Variants in AGBL3 observed in about 807,000 individuals in gnomAD.
AGBL3 encodes the protein cytosolic carboxypeptidase 3.
AGBL3 carries 68 observed loss-of-function variants against 94.5 expected under a neutral mutation model. The ratio of observed to expected loss-of-function variants is 0.72; its 90% confidence interval spans 0.59 to 0.88. The LOEUF (loss-of-function observed/expected upper bound fraction) is 0.88. AGBL3 is among the 40% of genes least tolerant of loss of function. The pLI, the probability that AGBL3 is intolerant of heterozygous loss-of-function variation, is 0.00. For synonymous variants in AGBL3, 354 were observed against 370.7 expected (o/e 0.95, Z 0.52); for missense variants, 934 against 1,103.8 (o/e 0.85, Z 2.18).
intron 5 of AGBL3, among the ~76,000 whole-genome samples, chr7:135,028,360 A>G (rs1288503671): frequency 6.6e-6 from 1 of 152,158 alleles, no homozygotes; most frequent in Non-Finnish European, 1.5e-5. Flanking sequence ...CTTAGTTTAT[A>G]ACTAATATTA....
At chr7:135,096,781 A>AAGAAAGAAAG (rs1159353840) in intron 15 of AGBL3, among the ~76,000 whole-genome samples, 1 of 151,304 alleles carries the variant, frequency 6.6e-6, no homozygotes, top group Non-Finnish European at 1.5e-5. Context: ...GAAAGAAAGA[A>AAGAAAGAAAG]AGAAAGAAAG....
At chr7:135,009,505 T>G (rs1021941249) in intron 4 of AGBL3, among the ~76,000 whole-genome samples, 3 of 152,186 alleles carry the variant, frequency 2.0e-5, no homozygotes, top group African/African-American at 7.2e-5. Flanking sequence ...TTTTGATTGT[T>G]TTTTTCTCTT....
chr7:135,101,747 GA>G (rs1171175020), intron 15 of AGBL3, among the ~76,000 whole-genome samples: 1 of 152,164 alleles, frequency 6.6e-6, no homozygotes, highest in African/African-American at 2.4e-5. Flanking sequence ...CAGAAGGGCA[GA>G]AAAGATTGGC....
intron 15 of AGBL3, among the ~76,000 whole-genome samples, chr7:135,087,534 A>G (rs934542714): frequency 4.0e-5 from 6 of 151,784 alleles, no homozygotes; most frequent in Non-Finnish European, 8.8e-5. Context: ...TTGTGTTTCT[A>G]TTTACATTGG....
chr7:135,088,120 A>G (rs1007917830), intron 15 of AGBL3, among the ~76,000 whole-genome samples: 3 of 152,078 alleles, frequency 2.0e-5, no homozygotes, highest in Admixed American at 1.3e-4. Context: ...TTTATCTGAT[A>G]TAAGTATAGA....
intron 11 of AGBL3, among the ~76,000 whole-genome samples, chr7:135,051,532 T>A (rs1817874664): frequency 6.6e-6 from 1 of 152,122 alleles, no homozygotes; most frequent in African/African-American, 2.4e-5. Flanking sequence ...GAAGTCCTGG[T>A]TCTTTTCAGT....
intron 5 of AGBL3, among the ~76,000 whole-genome samples, chr7:135,018,373 C>T (rs1318641282): frequency 6.6e-6 from 1 of 152,204 alleles, no homozygotes; most frequent in Non-Finnish European, 1.5e-5. Context: ...ACAAGTGCCT[C>T]CCATTGTCCA....
intron 4 of AGBL3, chr7:135,009,911 GC>G: frequency 2.9e-6 from 1 of 345,596 alleles, no homozygotes; most frequent in Non-Finnish European, 5.5e-6. Flanking sequence ...CTGTCTTTTC[GC>G]AGACTTTGGA....
chr7:135,127,992 C>T (rs1828128554), intron 16 of AGBL3, among the ~76,000 whole-genome samples: 1 of 151,958 alleles, frequency 6.6e-6, no homozygotes, highest in Non-Finnish European at 1.5e-5. Flanking sequence ...TACTATGCAG[C>T]CATAAAAAGG....
Position 135,016,716 on chromosome 7 carries a change from T to C in AGBL3, c.311-336T>C, listed in dbSNP as rs573977464. 1.4e-3 allele frequency among the ~76,000 whole-genome samples: 206 copies of C among 152,184 alleles called. 4 individuals carry two copies. The highest frequency in any genetic ancestry group is 4.8e-3 in the African/African-American group (201 of 41,514). On this transcript the variant is annotated intron_variant, in intron 4 of 16. Coordinates refer to ENST00000436302, the MANE Select transcript of AGBL3 (RefSeq NM_178563.4). ...CTGAAGGGAAAGGAAGAATAAAAGG[T>C]AGAGTAAGATTTCCCAGAGGTGAGA... is the stretch of plus-strand genomic sequence containing the variant.
intron 11 of AGBL3, among the ~76,000 whole-genome samples, chr7:135,052,800 T>C (rs187745038): frequency 3.5e-4 from 54 of 152,244 alleles, no homozygotes; most frequent in Admixed American, 9.2e-4. Context: ...ATAAATAATA[T>C]ATATCATGTG....
At chr7:135,070,854 T>C (rs889567580) in intron 12 of AGBL3, among the ~76,000 whole-genome samples, 1 of 152,048 alleles carries the variant, frequency 6.6e-6, no homozygotes, top group Admixed American at 6.6e-5. Context: ...CTATTCAACA[T>C]AGTGTTGGAA....
intron 4 of AGBL3, among the ~76,000 whole-genome samples, chr7:134,997,216 A>G (rs1811118359): frequency 1.3e-5 from 2 of 152,150 alleles, no homozygotes; most frequent in African/African-American, 4.8e-5. Context: ...TGAGAATCTA[A>G]TGTTGCTGCT....
At chr7:135,010,463 T>G (rs1813005598) in intron 4 of AGBL3, 1 of 160,690 alleles carries the variant, frequency 6.2e-6, no homozygotes, top group Non-Finnish European at 1.4e-5. Context: ...CAATGCAATG[T>G]GTGATTCTAA....
chr7:135,130,010 GAA>G (rs1469582723), intron 16 of AGBL3, among the ~76,000 whole-genome samples: 1 of 152,154 alleles, frequency 6.6e-6, no homozygotes, highest in African/African-American at 2.4e-5. Context: ...TACATAAGGA[GAA>G]GAGGGGTCAA....
intron 4 of AGBL3, among the ~76,000 whole-genome samples, chr7:135,003,466 T>C (rs1811979768): frequency 6.6e-6 from 1 of 151,990 alleles, no homozygotes; most frequent in Non-Finnish European, 1.5e-5. Context: ...TATGTCTCTA[T>C]ATGGAATCTA....
chr7:135,082,792 A>G (rs1821027473), intron 15 of AGBL3, among the ~76,000 whole-genome samples: 1 of 152,000 alleles, frequency 6.6e-6, no homozygotes, highest in Admixed American at 6.6e-5. Context: ...ATTATGTCAT[A>G]TTGTTATACT....
At chr7:135,085,902 G>A (rs763482624) in intron 15 of AGBL3, among the ~76,000 whole-genome samples, 2 of 151,906 alleles carry the variant, frequency 1.3e-5, no homozygotes, top group Non-Finnish European at 2.9e-5. Context: ...ATTTTGATAG[G>A]GAGTGCATTG....
chr7:135,030,726 C>T (rs568491525), intron 5 of AGBL3, among the ~76,000 whole-genome samples: 4 of 152,182 alleles, frequency 2.6e-5, no homozygotes, highest in East Asian at 1.9e-4. Context: ...ATTCTAGATA[C>T]GTCCCCCCAT....
Sources: allele counts gnomAD v4.1 joint callset (sites outside exome capture counted in the v4.1 genomes callset), GRCh38; gene constraint gnomAD v4.1.1; transcripts MANE v1.5; gene names NCBI Gene and HGNC (gene_info 2026-07-23, HGNC 2026-07-21).